Variants in URB1 observed in about 807,000 individuals in gnomAD.
URB1 encodes URB1 ribosome biogenesis factor.
A neutral mutation model predicts 242.3 loss-of-function variants in URB1; 197 were observed. The ratio of observed to expected loss-of-function variants is 0.81; its 90% CI spans 0.72 to 0.91. The LOEUF (loss-of-function observed/expected upper bound fraction) is 0.91, where lower values mean the gene tolerates loss of function less well. URB1 is among the 40% of genes least tolerant of loss of function. The pLI, the probability that URB1 is intolerant of heterozygous loss-of-function variation, is 0.00. For missense variants in URB1, 2,721 were observed against 2,860.5 expected, an observed-to-expected ratio of 0.95 and a Z score of 1.11; for synonymous variants, 1,153 against 1,201.8, an observed-to-expected ratio of 0.96 and a Z score of 0.84.
intron 30 of URB1, among the ~76,000 whole-genome samples, chr21:32,327,324 T>C (rs1485285490): frequency 6.6e-6 from 1 of 152,192 alleles, no homozygotes; most frequent in East Asian, 1.9e-4. Context: ...GAGGAGCAAC[T>C]TCTTTAAAGT....
intron 5 of URB1, chr21:32,377,123 A>G (rs2033467698): frequency 2.0e-6 from 1 of 505,942 alleles, no homozygotes; most frequent in African/African-American, 2.0e-5. Context: ...CACTGGGATA[A>G]ATGACTAGAC....
rs1478508711 is a variant in URB1 at position 32,388,174 on chromosome 21, G to A, written c.143-2490C>T. Among the ~76,000 whole-genome samples the A allele has an allele frequency of 3.9e-5, 6 of 152,128 alleles. No homozygotes were observed. In the South Asian group the frequency reaches 8.3e-4, roughly 21 times the overall value. On this transcript the variant is annotated intron_variant, in intron 1 of 38. Coordinates refer to ENST00000382751, the MANE Select transcript of URB1 (RefSeq NM_014825.3). ...GCCAGACTCCTGGGCACAAATCCCC[G>A]CTCAGTCACTTACTAGCTGCATGGT...
intron 33 of URB1, 142 bp from the exon 34 acceptor site, chr21:32,322,086 C>T: frequency 1.0e-6 from 1 of 965,672 alleles, no homozygotes; most frequent in Non-Finnish European, 1.5e-6. Context: ...TGAAAAATCC[C>T]TGATCTCATC....
chr21:32,367,679 G>A (rs545368987), intron 9 of URB1, among the ~76,000 whole-genome samples: 4 of 152,298 alleles, frequency 2.6e-5, no homozygotes, highest in East Asian at 3.9e-4. Flanking sequence ...GCAGACCAAC[G>A]TTCCACAGCT....
intron 1 of URB1, among the ~76,000 whole-genome samples, chr21:32,385,908 T>C (rs1224565659): frequency 6.6e-6 from 1 of 152,036 alleles, no homozygotes; most frequent in Non-Finnish European, 1.5e-5. Flanking sequence ...TCCCAGCACT[T>C]TGGGAGGCTA....
chr21:32,348,032 C>T (rs747122518), intron 21 of URB1, among the ~76,000 whole-genome samples: 7 of 152,246 alleles, frequency 4.6e-5, no homozygotes, highest in Admixed American at 1.3e-4. Flanking sequence ...ATACCACAAT[C>T]GCCTGAGACA....
chr21:32,345,249 G>A (rs1279038347), intron 23 of URB1, 125 bp downstream of exon 23: 23 of 1,060,548 alleles, frequency 2.2e-5, no homozygotes. Context: ...AGTTCTCATA[G>A]GAACTGCCTG....
chr21:32,324,408 T>C (rs2032803499), intron 32 of URB1, 83 bp downstream of exon 32: 2 of 1,128,956 alleles, frequency 1.8e-6, no homozygotes, highest in Non-Finnish European at 2.6e-6. Context: ...TGACCCACTA[T>C]ACCTGTGGGA....
intron 24 of URB1, among the ~76,000 whole-genome samples, chr21:32,342,679 A>AT (rs60990897): frequency 1 from 147,579 of 147,586 alleles, 73,786 homozygotes; most frequent in Middle Eastern, 1. Context: ...TGAACCAGGA[A>AT]AGCCGGAACC....
At chr21:32,321,220 A>G (rs1253422912) in intron 34 of URB1, among the ~76,000 whole-genome samples, 2 of 152,280 alleles carry the variant, frequency 1.3e-5, no homozygotes, top group African/African-American at 4.8e-5. Context: ...TGACTACGCT[A>G]GAAATTAATC....
At position 32,316,779 on chromosome 21, in the gene URB1, C is replaced by T. The variant is rs563331852; in HGVS notation, c.6321G>A (p.Ser2107=). The T allele has an allele frequency of 3.6e-5, 56 of 1,549,598 alleles. No individual in the cohort carries two copies. The highest frequency in any genetic ancestry group is 1.7e-4 in the Middle Eastern group (1 of 5,984). Residue 2107 remains serine (S), a synonymous_variant, in exon 38 of 39, where the codon TCG becomes TCA. Coordinates refer to ENST00000382751, the MANE Select transcript of URB1 (RefSeq NM_014825.3). The part of the protein sequence containing the change: ...ASLAVSWVLR[S]VAEHPLSRAE... ...CCCTGCTGAGCGGGTGCTCGGCCACCGACCGCAGCACCCAACTGACTGCCA... is the reference window on the plus strand; with the variant it reads ...CCCTGCTGAGCGGGTGCTCGGCCACTGACCGCAGCACCCAACTGACTGCCA...
Position 32,347,809 on chromosome 21 carries a change from C to T in URB1, c.3015G>A (p.Thr1005=), listed in dbSNP as rs755987778. Reference sequence around the variant, plus strand: ...GGATGGCCACAAGCACCTCCTCCAGCGTCTGAAAGGCAGTGACGAGGCACA... The same window carrying T: ...GGATGGCCACAAGCACCTCCTCCAGTGTCTGAAAGGCAGTGACGAGGCACA... The part of the protein sequence containing the change: ...VASLELANDQ[T]LEEVLVAILR... Residue 1005 remains threonine (T), a splice_region_variant and synonymous_variant, in exon 22 of 39, where the codon ACG becomes ACA. Coordinates refer to ENST00000382751, the MANE Select transcript of URB1 (RefSeq NM_014825.3). The T allele has an allele frequency of 6.0e-5, 92 of 1,540,952 alleles. 1 individual carries two copies. The highest frequency in any genetic ancestry group is 5.3e-4 in the South Asian group (44 of 83,624).
Position 32,350,866 on chromosome 21 carries a change from G to A in URB1, c.2670C>T (p.Phe890=), listed in dbSNP as rs570733404. The change falls in exon 20 of 39, where the codon TTC becomes TTT. Residue 890 remains phenylalanine, a synonymous_variant. Coordinates refer to ENST00000382751, the MANE Select transcript of URB1 (RefSeq NM_014825.3). ...SPPALPLASS[F]TALLQAAYES... ...CGTAGGCTGCCTGCAGCAGGGCTGTGAAGGACGAGGCCAAGGGAAGGGCAG... is the reference window on the plus strand; with the variant it reads ...CGTAGGCTGCCTGCAGCAGGGCTGTAAAGGACGAGGCCAAGGGAAGGGCAG... The A allele has an allele frequency of 2.3e-5, 35 of 1,550,722 alleles. No individual in the cohort carries two copies. The South Asian group carries it at 3.2e-4, about 14-fold the overall frequency.
intron 1 of URB1, among the ~76,000 whole-genome samples, chr21:32,392,265 A>G (rs2033647752): frequency 6.6e-6 from 1 of 152,210 alleles, no homozygotes; most frequent in Non-Finnish European, 1.5e-5. Context: ...GCTACATCTC[A>G]GTCACTGGCC....
At chr21:32,333,101 A>AT in intron 30 of URB1, 1 of 519,466 alleles carries the variant, frequency 1.9e-6, no homozygotes. Context: ...TTAAAATTAC[A>AT]ATTTTTTTTT....
chr21:32,317,039 C>A lies in URB1; in HGVS notation c.6061G>T (p.Val2021Phe), dbSNP rs1481783931. The change falls in exon 38 of 39, where the codon GTC (valine) becomes TTC (phenylalanine). Residue 2021 changes from valine to phenylalanine, a missense_variant. By Grantham distance (50) the Val-to-Phe change is conservative (BLOSUM62 -1). Coordinates refer to ENST00000382751, the MANE Select transcript of URB1 (RefSeq NM_014825.3). ...MKMLKDKNKP[V>F]MPARAKGPRG... ...GGGCCTTTGGCTCGGGCTGGCATGA[C>A]AGGCTTGTTCTTATCCTTGAGCATT... 7 of 1,544,168 alleles carry A rather than the reference C, an allele frequency of 4.5e-6. No homozygotes were observed. Among genetic ancestry groups the A allele is most frequent in the African/African-American group, 1.4e-5 (1 of 72,452 alleles).
intron 18 of URB1, 140 bp from the exon 19 acceptor site, chr21:32,353,046 A>T (rs1315442662): frequency 1.2e-6 from 1 of 858,556 alleles, no homozygotes; most frequent in South Asian, 1.8e-5. Flanking sequence ...AACCACAGGG[A>T]AGGAATTGCT....
chr21:32,378,379 GA>G lies in URB1; in HGVS notation c.664+65del, dbSNP rs2033483419. ...CTGCAGACTTTTTTTGAACTTGGAAGAAACGGTTTGCAGTAGGTTTTTCAAA... is the reference window on the plus strand; with the variant it reads ...CTGCAGACTTTTTTTGAACTTGGAAGAACGGTTTGCAGTAGGTTTTTCAAA... On this transcript the variant is annotated intron_variant, in intron 5 of 38. Coordinates refer to ENST00000382751, the MANE Select transcript of URB1 (RefSeq NM_014825.3). 4.2e-6 allele frequency: 6 copies of G among 1,425,674 alleles called. 1 individual carries two copies. In the South Asian group the frequency reaches 7.4e-5, roughly 18 times the overall value. 88.3% of individuals were successfully genotyped at this position (1,425,674 alleles called of 1,614,324 possible).
rs2032699827 is a variant in URB1, at chr21:32,317,032, G to A, written c.6068C>T (p.Pro2023Leu). 6.5e-7 allele frequency: 1 copy of A among 1,547,676 alleles called. No individual in the cohort carries two copies. Among genetic ancestry groups the A allele is most frequent in the African/African-American group, 1.4e-5 (1 of 72,746 alleles). ...MLKDKNKPVM[P>L]ARAKGPRGRK... ...GCCCCGTGGGCCTTTGGCTCGGGCT[G>A]GCATGACAGGCTTGTTCTTATCCTT... Residue 2023 changes from proline (P) to leucine (L), a missense_variant, in exon 38 of 39, where the codon CCA becomes CTA. Transcript: ENST00000382751.
Sources: gnomAD v4.1 joint callset for allele counts (sites outside exome capture counted in the v4.1 genomes callset) on GRCh38, gnomAD v4.1.1 for gene constraint, MANE v1.5 for transcripts, NCBI Gene and HGNC (gene_info 2026-07-23, HGNC 2026-07-21) for gene names.